Variants in DSCAM observed in about 807,000 individuals in gnomAD.
DSCAM encodes DS cell adhesion molecule.
DSCAM carries 47 observed loss-of-function variants against 217.7 expected under a neutral mutation model. The observed-to-expected ratio is 0.22, with a 90% CI of 0.17 to 0.28. The LOEUF is 0.28. DSCAM is among the 10% of genes least tolerant of loss of function. DSCAM has a pLI of 1.00. For missense variants in DSCAM, 2,080 were observed against 2,618.3 expected (o/e 0.79, Z 4.49); for synonymous variants, 1,056 against 1,015.3 (o/e 1.04, Z -0.76).
chr21:40,155,658 G>C (rs2090468143), intron 16 of DSCAM, among the ~76,000 whole-genome samples: 4 of 152,156 alleles, frequency 2.6e-5, no homozygotes, highest in Admixed American at 1.3e-4. Flanking sequence ...GGAGAAGACA[G>C]TGTCTGATTC....
intron 3 of DSCAM, 142 bp from the exon 4 acceptor site, chr21:40,369,387 TG>T: frequency 9.2e-6 from 2 of 217,628 alleles, no homozygotes; most frequent in Non-Finnish European, 1.7e-5. Context: ...TGCGTCTGCG[TG>T]TGTGTGTGTG....
rs534522856 is a variant in DSCAM, at chr21:40,537,026, A to G, written c.508+155784T>C. Among the ~76,000 whole-genome samples, 7 of 152,280 alleles carry G rather than the reference A, an allele frequency of 4.6e-5. 1 individual carries two copies. The highest frequency in any genetic ancestry group is 1.7e-4 in the African/African-American group (7 of 41,580). ...TTCCAAACTTTCCGGATGAAAAGGC[A>G]GAGGATTTTCTACTCCCATTTCAGG... On this transcript the variant is annotated intron_variant, in intron 3 of 32. Transcript: ENST00000400454.
intron 32 of DSCAM, among the ~76,000 whole-genome samples, chr21:40,019,865 G>T (rs538724103): frequency 1.3e-5 from 2 of 152,224 alleles, no homozygotes; most frequent in African/African-American, 4.8e-5. Context: ...CATACTCTAT[G>T]GTGTCACTTC....
Position 40,692,851 on chromosome 21 carries a change from G to A in DSCAM, c.467C>T (p.Thr156Ile). The stretch of plus-strand genomic sequence containing the variant: ...AGTGTCTTTCTCCCATGAGACGACA[G>A]TGATGTACGCCTCCACCGAGGAGGG... Reference protein sequence around the residue: ...IIPSSVEAYITVVSWEKDTVS... With the variant: ...IIPSSVEAYIIVVSWEKDTVS... Residue 156 changes from threonine (T) to isoleucine (I), a missense_variant, in exon 3 of 33, where the codon ACT (threonine) becomes ATT (isoleucine). By Grantham distance (89) the Thr-to-Ile change is moderately conservative. Transcript: ENST00000400454. 15 of 1,614,060 alleles carry A rather than the reference G, an allele frequency of 9.3e-6. No individual in the cohort carries two copies. The highest frequency in any genetic ancestry group is 1.2e-5 in the Non-Finnish European group (14 of 1,179,912).
intron 26 of DSCAM, 142 bp from the exon 27 acceptor site, chr21:40,075,355 G>C: frequency 2.2e-6 from 2 of 892,196 alleles, no homozygotes. Context: ...CTGTCTCTAG[G>C]CCCTGGCTAA....
intron 1 of DSCAM, among the ~76,000 whole-genome samples, chr21:40,743,933 T>C (rs1248644824): frequency 1.3e-5 from 2 of 152,114 alleles, no homozygotes; most frequent in Non-Finnish European, 2.9e-5. Flanking sequence ...TCCACAAACA[T>C]ACAACTGGAA....
chr21:40,376,616 G>T (rs1271330052), intron 3 of DSCAM, among the ~76,000 whole-genome samples: 2 of 125,626 alleles, frequency 1.6e-5, no homozygotes, highest in Non-Finnish European at 3.3e-5. Flanking sequence ...ATCTTATATA[G>T]ATATCGATAT....
intron 3 of DSCAM, among the ~76,000 whole-genome samples, chr21:40,418,676 T>G (rs2075394770): frequency 6.6e-6 from 1 of 152,334 alleles, no homozygotes; most frequent in East Asian, 1.9e-4. Flanking sequence ...GAATTTTGTA[T>G]GTGAAACTAG....
At chr21:40,041,144 A>T (rs1404659730) in intron 32 of DSCAM, among the ~76,000 whole-genome samples, 1 of 152,218 alleles carries the variant, frequency 6.6e-6, no homozygotes, top group African/African-American at 2.4e-5. Context: ...GCCTTGTCCC[A>T]TAAAACCCAA....
chr21:40,346,138 T>C (rs892623520), intron 6 of DSCAM, among the ~76,000 whole-genome samples: 1 of 152,222 alleles, frequency 6.6e-6, no homozygotes, highest in South Asian at 2.1e-4. Flanking sequence ...CTACAAAGAA[T>C]CTAAAAATAG....
At chr21:40,342,159 G>T (rs1331395275) in intron 6 of DSCAM, among the ~76,000 whole-genome samples, 1 of 151,890 alleles carries the variant, frequency 6.6e-6, no homozygotes, top group Admixed American at 6.6e-5. Context: ...TTTTTGATTT[G>T]TTGTGGAATA....
chr21:40,297,821 C>A (rs1216635243), intron 9 of DSCAM, among the ~76,000 whole-genome samples: 1 of 152,184 alleles, frequency 6.6e-6, no homozygotes, highest in Non-Finnish European at 1.5e-5. Context: ...AAAATAATGA[C>A]TACCAGCATA....
intron 1 of DSCAM, among the ~76,000 whole-genome samples, chr21:40,828,536 T>C (rs1378470533): frequency 6.6e-6 from 1 of 152,122 alleles, no homozygotes; most frequent in Non-Finnish European, 1.5e-5. Context: ...ACTCCGCTCA[T>C]AGGGACCAGG....
chr21:40,477,071 A>G (rs2075943104), intron 3 of DSCAM, among the ~76,000 whole-genome samples: 1 of 152,244 alleles, frequency 6.6e-6, no homozygotes, highest in African/African-American at 2.4e-5. Flanking sequence ...AATAGTATTT[A>G]AGGAAGACTG....
At chr21:40,378,104 G>A (rs1278060760) in intron 3 of DSCAM, among the ~76,000 whole-genome samples, 3 of 152,114 alleles carry the variant, frequency 2.0e-5, no homozygotes, top group Admixed American at 6.5e-5. Flanking sequence ...ATTACCAAAT[G>A]ACATAATAGA....
intron 18 of DSCAM, among the ~76,000 whole-genome samples, chr21:40,135,354 C>T (rs895969995): frequency 6.6e-6 from 1 of 152,344 alleles, no homozygotes; most frequent in East Asian, 1.9e-4. Context: ...TAGGTGCCAG[C>T]GCTATGCTAT....
chr21:40,026,374 G>A (rs1465141891), intron 32 of DSCAM, among the ~76,000 whole-genome samples: 1 of 142,284 alleles, frequency 7.0e-6, no homozygotes, highest in Non-Finnish European at 1.5e-5. Context: ...GAGTTCTGTA[G>A]ATGTCTATTA....
rs201672838 is a variant in DSCAM at position 40,121,681 on chromosome 21, C to CTTTTTTTTTTTTTTTTTT, written c.3696+2496_3696+2513dup. Among the ~76,000 whole-genome samples, 76 of 73,746 alleles carry CTTTTTTTTTTTTTTTTTT rather than the reference C, an allele frequency of 1.0e-3. 15 individuals carry two copies. The highest frequency in any genetic ancestry group is 2.4e-3 in the African/African-American group (42 of 17,398). The allele number at this position is 73,746 out of a possible 152,430, so 48.4% of individuals were successfully genotyped here. A position where few individuals can be genotyped will look rare whatever the true frequency, so the allele number is the denominator to read the frequency against. ...CTGGTGGGTTTGCTCTCATTACTGT[C>CTTTTTTTTTTTTTTTTTT]TTTTTTTTTTTTTTTTTTTTTTTTT... On this transcript the variant is annotated intron_variant, in intron 20 of 32. Coordinates refer to ENST00000400454, the MANE Select transcript of DSCAM (RefSeq NM_001389.5).
chr21:40,078,641 A>ATC, intron 26 of DSCAM, 46 bp downstream of exon 26: 2 of 1,586,028 alleles, frequency 1.3e-6, no homozygotes, highest in Non-Finnish European at 1.7e-6. Context: ...CCACGTGCAC[A>ATC]TCCCCCAAGA....
Sources: allele counts gnomAD v4.1 joint callset (sites outside exome capture counted in the v4.1 genomes callset), GRCh38; gene constraint gnomAD v4.1.1; transcripts MANE v1.5; gene names NCBI Gene and HGNC (gene_info 2026-07-23, HGNC 2026-07-21).